Variants in GALNT13 observed in about 807,000 individuals in gnomAD.
GALNT13 encodes UDP-GalNAc:polypeptide N-acetylgalactosaminyltransferase 13.
GALNT13 carries 28 observed loss-of-function variants against 64.2 expected under a neutral mutation model. The observed-to-expected ratio is 0.44, with a 90% CI of 0.32 to 0.60. The LOEUF is 0.60. Among genes scored for constraint, GALNT13 ranks in the 20% least tolerant of loss-of-function variants. The pLI is 0.05. For synonymous variants in GALNT13, 214 were observed against 224.6 expected, an observed-to-expected ratio of 0.95 and a Z score of 0.42; for missense variants, 577 against 669.8, an observed-to-expected ratio of 0.86 and a Z score of 1.53.
chr2:153,162,031 T>C, the GALNT13 span, among the ~76,000 whole-genome samples: 3 of 152,270 alleles, frequency 2.0e-5, no homozygotes, highest in Non-Finnish European at 4.4e-5. Context: ...TTTTGCTATC[T>C]GAAGGCGTGA....
At chr2:153,473,872 T>C in the GALNT13 span, among the ~76,000 whole-genome samples, 1 of 152,232 alleles carries the variant, frequency 6.6e-6, no homozygotes, top group Non-Finnish European at 1.5e-5. Flanking sequence ...GTAGTTTCTA[T>C]AAACAACAGT....
the GALNT13 span, among the ~76,000 whole-genome samples, chr2:153,381,512 C>A: frequency 1.3e-5 from 2 of 151,724 alleles, no homozygotes; most frequent in African/African-American, 2.4e-5. Context: ...GGATATGTTG[C>A]CTGCAGATTT....
intron 9 of GALNT13, among the ~76,000 whole-genome samples, chr2:154,364,066 G>T (rs1466307445): frequency 2.0e-5 from 3 of 152,124 alleles, no homozygotes. Context: ...GGAATAAAAT[G>T]AGAAGTATAC....
the GALNT13 span, among the ~76,000 whole-genome samples, chr2:153,272,921 G>C: frequency 6.6e-6 from 1 of 152,192 alleles, no homozygotes; most frequent in Non-Finnish European, 1.5e-5. Flanking sequence ...ATACACCATG[G>C]AATACTATGC....
intron 3 of GALNT13, among the ~76,000 whole-genome samples, chr2:154,111,940 A>T (rs190763555): frequency 6.6e-6 from 1 of 152,278 alleles, no homozygotes; most frequent in Admixed American, 6.5e-5. Flanking sequence ...GCATAAAGTG[A>T]GTGCCTTGGT....
chr2:153,116,154 T>C, the GALNT13 span, among the ~76,000 whole-genome samples: 27 of 152,310 alleles, frequency 1.8e-4, no homozygotes, highest in African/African-American at 5.1e-4. Context: ...TTTCTTGATA[T>C]CCTTAATTAT....
the GALNT13 span, among the ~76,000 whole-genome samples, chr2:153,353,357 C>T: frequency 2.0e-5 from 3 of 152,100 alleles, no homozygotes; most frequent in Non-Finnish European, 2.9e-5. Context: ...TTTGTCAACT[C>T]TTTCATATTT....
At chr2:153,497,521 C>CTTTTTT in the GALNT13 span, among the ~76,000 whole-genome samples, 3 of 54,744 alleles carry the variant, frequency 5.5e-5, no homozygotes, top group African/African-American at 2.0e-4. Flanking sequence ...GTTTCTCCCG[C>CTTTTTT]ATTTTTTTTT....
the GALNT13 span, among the ~76,000 whole-genome samples, chr2:153,619,462 TTATAA>T: frequency 6.6e-6 from 1 of 152,142 alleles, no homozygotes; most frequent in African/African-American, 2.4e-5. Flanking sequence ...AGTTACAGTG[TTATAA>T]TATTCTGAGT....
intron 3 of GALNT13, among the ~76,000 whole-genome samples, chr2:154,033,678 G>A (rs1164544866): frequency 1.3e-5 from 2 of 152,116 alleles, no homozygotes; most frequent in Admixed American, 6.5e-5. Context: ...GGTGGCTTAC[G>A]CCTGTAATCC....
chr2:153,286,031 A>G, the GALNT13 span, among the ~76,000 whole-genome samples: 1 of 152,146 alleles, frequency 6.6e-6, no homozygotes, highest in South Asian at 2.1e-4. Context: ...ATGGGAATAT[A>G]GAATAACTAA....
At chr2:153,553,171 T>G in the GALNT13 span, among the ~76,000 whole-genome samples, 1 of 152,216 alleles carries the variant, frequency 6.6e-6, no homozygotes, top group African/African-American at 2.4e-5. Context: ...GTGGATATGT[T>G]TATTGGTAAT....
chr2:154,195,614 T>G (rs1686835143), intron 4 of GALNT13, among the ~76,000 whole-genome samples: 1 of 152,176 alleles, frequency 6.6e-6, no homozygotes, highest in African/African-American at 2.4e-5. Context: ...TTTGGTCTTT[T>G]TAATTTTTGG....
chr2:154,080,150 T>C (rs1238207326), intron 3 of GALNT13, among the ~76,000 whole-genome samples: 1 of 151,604 alleles, frequency 6.6e-6, no homozygotes, highest in Non-Finnish European at 1.5e-5. Flanking sequence ...CTGGGTGGAA[T>C]GTGTACTGTG....
the GALNT13 span, among the ~76,000 whole-genome samples, chr2:153,689,003 T>G: frequency 1.5e-5 from 2 of 136,770 alleles, no homozygotes; most frequent in Non-Finnish European, 3.1e-5. Context: ...TGTGTGTGTG[T>G]GTGTGTGTGT....
the GALNT13 span, among the ~76,000 whole-genome samples, chr2:153,204,664 T>G: frequency 3.8e-5 from 5 of 130,570 alleles, no homozygotes; most frequent in African/African-American, 1.5e-4. Flanking sequence ...TGTTAGAATC[T>G]CTTGGTTCTT....
the GALNT13 span, among the ~76,000 whole-genome samples, chr2:153,765,640 G>A: frequency 1.3e-5 from 2 of 152,142 alleles, no homozygotes; most frequent in Non-Finnish European, 2.9e-5. Context: ...GGGACTGTTG[G>A]GAAGGCATGA....
chr2:153,437,771 T>C, the GALNT13 span, among the ~76,000 whole-genome samples: 15 of 152,340 alleles, frequency 9.8e-5, no homozygotes, highest in African/African-American at 3.4e-4. Context: ...GGATCTTGAC[T>C]CTTTATCCAA....
chr2:153,069,793 C>T, the GALNT13 span, among the ~76,000 whole-genome samples: 13 of 152,278 alleles, frequency 8.5e-5, no homozygotes, highest in African/African-American at 3.1e-4. Flanking sequence ...ATGGACATAA[C>T]TTTGAAACTG....
Sources: allele counts gnomAD v4.1 joint callset (sites outside exome capture counted in the v4.1 genomes callset), GRCh38; gene constraint gnomAD v4.1.1; transcripts MANE v1.5; gene names NCBI Gene and HGNC (gene_info 2026-07-23, HGNC 2026-07-21).